Variants in RCC2 observed in about 807,000 individuals in gnomAD.
RCC2 encodes the protein regulator of chromosome condensation 2.
RCC2 carries 19 observed loss-of-function variants against 64.1 expected under a neutral mutation model. The ratio of observed to expected loss-of-function variants is 0.30; its 90% CI spans 0.21 to 0.44. RCC2 has a LOEUF of 0.44. Ranked by LOEUF, RCC2 falls within the 20% of genes least tolerant of loss-of-function variation. The probability of loss-of-function intolerance (pLI) is 1.00; values close to 1 mark genes in which losing one functional copy is unlikely to be tolerated. For missense variants in RCC2, 508 were observed against 710.4 expected (o/e 0.72, Z 3.24); for synonymous variants, 325 against 279.6 (o/e 1.16, Z -1.62).
intron 6 of RCC2, among the ~76,000 whole-genome samples, chr1:17,421,038 C>G (rs1005520311): frequency 1.3e-5 from 2 of 152,186 alleles, no homozygotes; most frequent in African/African-American, 2.4e-5. Flanking sequence ...CCTCCCAGCA[C>G]AGAGCAGTTC....
intron 2 of RCC2, among the ~76,000 whole-genome samples, chr1:17,436,945 G>A (rs1298072564): frequency 3.9e-5 from 6 of 152,186 alleles, no homozygotes; most frequent in Non-Finnish European, 8.8e-5. Context: ...CCTGATCCAA[G>A]ACCCCGGGCA....
At chr1:17,421,854 C>T (rs1051538949) in intron 6 of RCC2, among the ~76,000 whole-genome samples, 2 of 151,942 alleles carry the variant, frequency 1.3e-5, no homozygotes, top group African/African-American at 2.4e-5. Context: ...GGAGAAACCC[C>T]GTCTCTACTA....
At chr1:17,434,724 G>C (rs961757146) in intron 2 of RCC2, among the ~76,000 whole-genome samples, 3 of 152,224 alleles carry the variant, frequency 2.0e-5, no homozygotes, top group Non-Finnish European at 4.4e-5. Context: ...AGTGTCAAGA[G>C]ATGAACTGGA....
chr1:17,416,165 T>G (rs1476450372), intron 8 of RCC2, among the ~76,000 whole-genome samples: 1 of 151,320 alleles, frequency 6.6e-6, no homozygotes, highest in Non-Finnish European at 1.5e-5. Context: ...TGGAAAGATG[T>G]CTGTGATGTT....
intron 3 of RCC2, 119 bp from the exon 4 acceptor site, chr1:17,425,803 CCA>C: frequency 1.9e-6 from 2 of 1,049,676 alleles, no homozygotes; most frequent in Non-Finnish European, 2.8e-6. Context: ...TCCTCGGGTG[CCA>C]CCCTGCCTTG....
chr1:17,412,238 CCT>C, intron 10 of RCC2, 44 bp from the exon 11 acceptor site: 1 of 1,589,796 alleles, frequency 6.3e-7, no homozygotes, highest in South Asian at 1.1e-5. Context: ...CAGCCCCAGA[CCT>C]GCACCCACGC....
chr1:17,414,648 T>C (rs551521000), intron 8 of RCC2, among the ~76,000 whole-genome samples: 2 of 149,936 alleles, frequency 1.3e-5, no homozygotes, highest in Non-Finnish European at 3.0e-5. Context: ...TTTCCCCCCC[T>C]CGAGAGGGTC....
At chr1:17,427,174 G>A (rs1306148360) in intron 3 of RCC2, among the ~76,000 whole-genome samples, 2 of 152,230 alleles carry the variant, frequency 1.3e-5, no homozygotes, top group African/African-American at 2.4e-5. Context: ...TGTAGGAACT[G>A]ATAAAAAGGC....
chr1:17,433,491 C>T (rs2075705228), intron 2 of RCC2, among the ~76,000 whole-genome samples: 1 of 152,202 alleles, frequency 6.6e-6, no homozygotes, highest in South Asian at 2.1e-4. Context: ...CAGGCGGAAT[C>T]CAGCCTTCCC....
chr1:17,438,430 C>A lies in RCC2; in HGVS notation c.85G>T (p.Gly29Cys). Residue 29 changes from glycine (G) to cysteine (C), a missense_variant, in exon 2 of 13, where the codon GGC (glycine) becomes TGC (cysteine). Coordinates refer to ENST00000375436, the MANE Select transcript of RCC2 (RefSeq NM_018715.4). ...TCGCGCTTCCTGCCCGCCGGGCCGC[C>A]GCGTTTCCTGGGCCCGGCGCGGGCA... ...GTARAGPRKRGGPAGRKRERP... is the reference protein window; with the variant it reads ...GTARAGPRKRCGPAGRKRERP... The A allele has an allele frequency of 7.8e-7, 1 of 1,283,760 alleles. No individual in the cohort carries two copies. The highest frequency in any genetic ancestry group is 9.8e-7 in the Non-Finnish European group (1 of 1,019,570). 79.5% of individuals were successfully genotyped at this position (1,283,760 alleles called of 1,614,324 possible).
chr1:17,412,945 T>A, intron 10 of RCC2, 128 bp downstream of exon 10: 2 of 668,012 alleles, frequency 3.0e-6, no homozygotes, highest in Non-Finnish European at 5.3e-6. Flanking sequence ...GTGTGTCAGA[T>A]GGCCTGCTGA....
rs2075608608 is a variant in RCC2, at chr1:17,425,744, G to A, written c.380-60C>T. ...GGGGTGGTGGGGTGACCTCCAAAAT[G>A]TCACTGGCCACCAAGCAGCCACTTC... On this transcript the variant is annotated intron_variant, in intron 3 of 12. Transcript: ENST00000375436. 2.6e-6 allele frequency: 4 copies of A among 1,528,040 alleles called. No individual in the cohort carries two copies. The South Asian group carries it at 4.9e-5, about 19-fold the overall frequency. 94.7% of individuals were successfully genotyped at this position (1,528,040 alleles called of 1,614,324 possible).
At chr1:17,437,988 CCCAACCG>C (rs1169107657) in intron 2 of RCC2, among the ~76,000 whole-genome samples, 2 of 146,344 alleles carry the variant, frequency 1.4e-5, no homozygotes, top group East Asian at 4.1e-4. Context: ...GGGCGCGCGC[CCCAACCG>C]CCAACCGCCC....
chr1:17,416,412 A>T, intron 8 of RCC2, 68 bp downstream of exon 8: 2 of 1,517,006 alleles, frequency 1.3e-6, no homozygotes, highest in South Asian at 2.5e-5. Context: ...AAGCGTCAGG[A>T]AACTTGAGCA....
intron 2 of RCC2, among the ~76,000 whole-genome samples, chr1:17,435,808 C>T (rs943131747): frequency 6.6e-6 from 1 of 151,850 alleles, no homozygotes; most frequent in South Asian, 2.1e-4. Flanking sequence ...ATCCCAGCTA[C>T]TCGGGAGGCT....
intron 2 of RCC2, among the ~76,000 whole-genome samples, chr1:17,429,624 C>G (rs895879327): frequency 6.6e-6 from 1 of 152,162 alleles, no homozygotes; most frequent in South Asian, 2.1e-4. Flanking sequence ...GACCTCAAAC[C>G]TTAGGAGCCT....
intron 4 of RCC2, among the ~76,000 whole-genome samples, chr1:17,425,012 A>C (rs536924237): frequency 2.6e-4 from 39 of 152,300 alleles, no homozygotes; most frequent in Non-Finnish European, 3.4e-4. Context: ...ATATCCTAAG[A>C]AGCAGACAAC....
chr1:17,416,525 T>A lies in RCC2; in HGVS notation c.981A>T (p.Val327=). The stretch of plus-strand genomic sequence containing the variant: ...CCACGTCTCGTACAACCACGTTTGG[T>A]ACAGGCAGAATCTGTCCATCTTTCG... ...EKTKDGQILP[V]PNVVVRDVAC... is the part of the protein sequence containing the mutation. Residue 327 remains valine, a synonymous_variant, in exon 8 of 13, where the codon GTA becomes GTT. Transcript: ENST00000375436. 1 of 1,613,868 alleles carries A rather than the reference T, an allele frequency of 6.2e-7. No homozygotes were observed. Among genetic ancestry groups the A allele is most frequent in the Non-Finnish European group, 8.5e-7 (1 of 1,180,034 alleles).
chr1:17,437,174 T>C (rs894237725), intron 2 of RCC2, among the ~76,000 whole-genome samples: 1 of 152,210 alleles, frequency 6.6e-6, no homozygotes, highest in Non-Finnish European at 1.5e-5. Flanking sequence ...GAAAATGTGT[T>C]ATTAGACACT....
Sources: gnomAD v4.1 joint callset for allele counts (sites outside exome capture counted in the v4.1 genomes callset) on GRCh38, gnomAD v4.1.1 for gene constraint, MANE v1.5 for transcripts, NCBI Gene and HGNC (gene_info 2026-07-23, HGNC 2026-07-21) for gene names.